KRAS: variants seen among roughly 807,000 people sequenced by gnomAD.
KRAS encodes KRas proto-oncogene, GTPase.
In KRAS, 1 loss-of-function variant was observed where a neutral mutation model predicts 21.0. That is an observed-to-expected ratio of 0.05 (90% CI 0.02 to 0.23). The LOEUF is 0.23. Ranked by LOEUF, KRAS falls within the 10% of genes least tolerant of loss-of-function variation. KRAS has a pLI of 1.00. For synonymous variants in KRAS, 67 were observed against 72.5 expected, an observed-to-expected ratio of 0.92 and a Z score of 0.39; for missense variants, 107 against 221.8, an observed-to-expected ratio of 0.48 and a Z score of 3.29.
chr12:25,219,401 T>C (rs1363038044), intron 4 of KRAS, among the ~76,000 whole-genome samples: 1 of 152,240 alleles, frequency 6.6e-6, no homozygotes, highest in Non-Finnish European at 1.5e-5. Context: ...GAAAACATAC[T>C]TGTGAGGCTA....
chr12:25,221,237 T>C (rs958847486), intron 4 of KRAS, among the ~76,000 whole-genome samples: 2 of 149,958 alleles, frequency 1.3e-5, no homozygotes, highest in Non-Finnish European at 3.0e-5. Flanking sequence ...CCACAGCCTT[T>C]TTTTTTTTTT....
chr12:25,226,705 T>C (rs10842511), intron 3 of KRAS, among the ~76,000 whole-genome samples: 45,146 of 152,082 alleles, frequency 0.3, 7,425 homozygotes, highest in African/African-American at 0.44. Context: ...TAAAATAGTA[T>C]AATAATGATT....
Position 25,250,882 on chromosome 12 carries a change from G to T in KRAS, c.-143C>A. 8.1e-6 allele frequency: 2 copies of T among 247,286 alleles called. No homozygotes were observed. The highest frequency in any genetic ancestry group is 1.1e-4 in the South Asian group (1 of 9,050). 15.3% of individuals were successfully genotyped at this position (247,286 alleles called of 1,614,324 possible). A position where few individuals can be genotyped will look rare whatever the true frequency, so the allele number is the denominator to read the frequency against. On this transcript the variant is annotated 5_prime_UTR_variant, in exon 1 of 5. Transcript: ENST00000311936. ...CCGAGCCGCCGCCACCTTCGCCGCC[G>T]CCACTGCCGCCGCCGCTGCTGCCTC... is the stretch of plus-strand genomic sequence containing the variant.
intron 2 of KRAS, among the ~76,000 whole-genome samples, chr12:25,233,489 A>AAATGAATG (rs145497135): frequency 6.6e-5 from 10 of 151,964 alleles, no homozygotes; most frequent in African/African-American, 2.4e-4. Flanking sequence ...GGAAGGAAGA[A>AAATGAATG]AATGAATGAA....
intron 4 of KRAS, among the ~76,000 whole-genome samples, chr12:25,217,089 A>C (rs1028975098): frequency 6.6e-6 from 1 of 152,192 alleles, no homozygotes; most frequent in African/African-American, 2.4e-5. Flanking sequence ...AACCAAATGT[A>C]ACAAAGTGGA....
In KRAS at chr12:25,209,483, T is replaced by G; in HGVS notation, c.*312A>C. The G allele has an allele frequency of 4.7e-6, 6 of 1,280,356 alleles. No individual in the cohort carries two copies. The highest frequency in any genetic ancestry group is 6.0e-6 in the Non-Finnish European group (6 of 1,007,588). The allele number at this position is 1,280,356 out of a possible 1,614,324, so 79.3% of individuals were successfully genotyped here. On this transcript the variant is annotated 3_prime_UTR_variant, in exon 5 of 5. Coordinates refer to ENST00000311936, the MANE Select transcript of KRAS (RefSeq NM_004985.5). The stretch of plus-strand genomic sequence containing the variant: ...TCATTAATTTGTTTCACACCAACAT[T>G]CACAATTGGTAAGAAAAATAAGAAG...
At chr12:25,221,905 C>A (rs1951330137) in intron 4 of KRAS, among the ~76,000 whole-genome samples, 1 of 152,070 alleles carries the variant, frequency 6.6e-6, no homozygotes, top group Non-Finnish European at 1.5e-5. Flanking sequence ...AATCCCAGCA[C>A]TTTGGGAGGC....
At chr12:25,229,123 A>T (rs538746323) in intron 2 of KRAS, among the ~76,000 whole-genome samples, 1 of 152,298 alleles carries the variant, frequency 6.6e-6, no homozygotes, top group South Asian at 2.1e-4. Flanking sequence ...TGCATATTTT[A>T]CCACAAAAAA....
At position 25,205,918 on chromosome 12, in the gene KRAS, T is replaced by C. The variant is rs1951133027; in HGVS notation, c.*3877A>G. 1 of 215,486 alleles carries C rather than the reference T, an allele frequency of 4.6e-6. No individual in the cohort carries two copies. The highest frequency in any genetic ancestry group is 9.3e-6 in the Non-Finnish European group (1 of 106,960). The allele number at this position is 215,486 out of a possible 1,614,324, so 13.3% of individuals were successfully genotyped here. On this transcript the variant is annotated 3_prime_UTR_variant, in exon 5 of 5. Coordinates refer to ENST00000311936, the MANE Select transcript of KRAS (RefSeq NM_004985.5). Reference sequence around the variant, plus strand: ...GTTTCTCAATGCAGAATTCATGCTATCCAGTATTAACACAGAAGTTACTAA... The same window carrying C: ...GTTTCTCAATGCAGAATTCATGCTACCCAGTATTAACACAGAAGTTACTAA...
intron 2 of KRAS, among the ~76,000 whole-genome samples, chr12:25,243,440 T>C (rs188273172): frequency 6.6e-5 from 10 of 152,340 alleles, no homozygotes; most frequent in Non-Finnish European, 1.3e-4. Flanking sequence ...AGGTTTAAGT[T>C]TATAAACTTT....
intron 4 of KRAS, among the ~76,000 whole-genome samples, chr12:25,220,980 C>T (rs1951315042): frequency 6.9e-6 from 1 of 143,986 alleles, no homozygotes; most frequent in Non-Finnish European, 1.5e-5. Flanking sequence ...AGCCAAGATC[C>T]CACCACTGCA....
At chr12:25,215,073 A>G (rs889559250) in intron 4 of KRAS, 2 of 262,694 alleles carry the variant, frequency 7.6e-6, no homozygotes, top group Admixed American at 7.4e-5. Flanking sequence ...ACTATAGCTC[A>G]TATCTTTTTC....
At chr12:25,226,696 A>G (rs1951396961) in intron 3 of KRAS, among the ~76,000 whole-genome samples, 1 of 152,232 alleles carries the variant, frequency 6.6e-6, no homozygotes, top group Non-Finnish European at 1.5e-5. Context: ...AATAGAATAT[A>G]AAATAGTATA....
chr12:25,206,359 G>A lies in KRAS; in HGVS notation c.*3436C>T. The A allele has an allele frequency of 4.8e-6, 1 of 206,680 alleles. No individual in the cohort carries two copies. The highest frequency in any genetic ancestry group is 1.9e-4 in the South Asian group (1 of 5,270). The allele number at this position is 206,680 out of a possible 1,614,324, so 12.8% of individuals were successfully genotyped here. ...GTCTGCTATATTCTTCCACAAACAT[G>A]TTAATGCCTAAGTCTATGTAATTTA... On this transcript the variant is annotated 3_prime_UTR_variant, in exon 5 of 5. Coordinates refer to ENST00000311936, the MANE Select transcript of KRAS (RefSeq NM_004985.5).
intron 2 of KRAS, among the ~76,000 whole-genome samples, chr12:25,236,639 AGAG>A (rs1238995783): frequency 1.3e-5 from 2 of 151,894 alleles, no homozygotes; most frequent in African/African-American, 4.8e-5. Flanking sequence ...GAAATAAGAG[AGAG>A]AAGAAGGGGG....
At chr12:25,224,973 C>T (rs1951372028) in intron 4 of KRAS, 1 of 152,006 alleles carries the variant, frequency 6.6e-6, no homozygotes, top group South Asian at 2.1e-4. Context: ...TAAATAATAG[C>T]AACTGAAATT....
At chr12:25,246,644 C>G (rs569880949) in intron 1 of KRAS, among the ~76,000 whole-genome samples, 3 of 152,216 alleles carry the variant, frequency 2.0e-5, no homozygotes, top group South Asian at 4.2e-4. Context: ...GAGCCGGGCA[C>G]GGTGGCTCAC....
rs930277109 is a variant in KRAS at position 25,205,696 on chromosome 12, G to C, written c.*4099C>G. 1 of 222,476 alleles carries C rather than the reference G, an allele frequency of 4.5e-6. No homozygotes were observed. Among genetic ancestry groups the C allele is most frequent in the Non-Finnish European group, 8.9e-6 (1 of 112,312 alleles). 13.8% of individuals were successfully genotyped at this position (222,476 alleles called of 1,614,324 possible). On this transcript the variant is annotated 3_prime_UTR_variant, in exon 5 of 5. Transcript: ENST00000311936. ...AGTTAGCTCTGTGGGGGTGTGGGGG[G>C]AGAGATGGGCCCTCAACATATCTGC...
At chr12:25,244,753 G>A (rs1951655622) in intron 2 of KRAS, among the ~76,000 whole-genome samples, 1 of 151,948 alleles carries the variant, frequency 6.6e-6, no homozygotes, top group Admixed American at 6.6e-5. Flanking sequence ...GTTGGTAATA[G>A]TACCTTTATA....
Sources: allele counts gnomAD v4.1 joint callset (sites outside exome capture counted in the v4.1 genomes callset), GRCh38; gene constraint gnomAD v4.1.1; transcripts MANE v1.5; gene names NCBI Gene and HGNC (gene_info 2026-07-23, HGNC 2026-07-21).